CLCN1: variants seen among roughly 807,000 people sequenced by gnomAD.
The protein encoded by CLCN1 is chloride channel protein 1.
CLCN1 carries 100 observed loss-of-function variants against 114.5 expected under a neutral mutation model. The observed-to-expected ratio is 0.87, with a 90% CI of 0.74 to 1.03. CLCN1 has a LOEUF of 1.03. CLCN1 is among the 50% of genes least tolerant of loss of function. The pLI is 0.00. For missense variants in CLCN1, 1,188 were observed against 1,250.0 expected (o/e 0.95, Z 0.75); for synonymous variants, 485 against 487.1 (o/e 1.00, Z 0.06).
intron 7 of CLCN1, among the ~76,000 whole-genome samples, chr7:143,329,884 AT>A (rs1046809578): frequency 4.6e-5 from 7 of 151,974 alleles, no homozygotes; most frequent in Admixed American, 1.3e-4. Flanking sequence ...ATGTTGAAAT[AT>A]TTTTTTCTTT....
At chr7:143,343,683 G>A (rs1281920243) in intron 16 of CLCN1, among the ~76,000 whole-genome samples, 1 of 151,222 alleles carries the variant, frequency 6.6e-6, no homozygotes, top group Non-Finnish European at 1.5e-5. Flanking sequence ...TGGAAGAGTT[G>A]GAACTGTTTT....
chr7:143,321,609 A>C lies in CLCN1; in HGVS notation c.563-106A>C. ...TGTGCTGCCTTGCCCCATCCTCCCC[A>C]CCACTGCCTCTTCAGCCCTCTCCAA... is the stretch of plus-strand genomic sequence containing the variant. On this transcript the variant is annotated intron_variant, in intron 4 of 22. Transcript: ENST00000343257. The surrounding 1 kb of genome is among the most constrained non-coding windows in gnomAD (Gnocchi z 4.2). 1 of 1,601,886 alleles carries C rather than the reference A, an allele frequency of 6.2e-7. No individual in the cohort carries two copies. The highest frequency in any genetic ancestry group is 2.2e-5 in the East Asian group (1 of 44,764).
At chr7:143,319,903 C>A (rs1223407275) in intron 2 of CLCN1, 28 bp downstream of exon 2, 1 of 1,612,402 alleles carries the variant, frequency 6.2e-7, no homozygotes, top group South Asian at 1.1e-5. Context: ...ATAAAGAAAT[C>A]TGGAGTAGAA....
chr7:143,320,774 G>A lies in CLCN1; in HGVS notation c.412G>A (p.Val138Ile), dbSNP rs762344462. Reference sequence around the variant, plus strand: ...TCTGGTCAGCTGGAGCATGGACTACGTCAGTGCCAAAAGCCTTCAGGGTAG... The same window carrying A: ...TCTGGTCAGCTGGAGCATGGACTACATCAGTGCCAAAAGCCTTCAGGGTAG... ...MALVSWSMDY[V>I]SAKSLQAYKW... The change falls in exon 3 of 23, where the codon GTC becomes ATC. Residue 138 changes from valine (V) to isoleucine (I), a missense_variant. Coordinates refer to ENST00000343257, the MANE Select transcript of CLCN1 (RefSeq NM_000083.3). The A allele has an allele frequency of 1.6e-4, 259 of 1,613,936 alleles. 2 individuals carry two copies. The South Asian group carries it at 2.3e-3, about 15-fold the overall frequency.
intron 7 of CLCN1, 22 bp from the exon 8 acceptor site, chr7:143,330,750 C>A: frequency 6.2e-7 from 1 of 1,613,866 alleles, no homozygotes; most frequent in African/African-American, 1.3e-5. Context: ...CTGCCCCCAA[C>A]CACACTTCTG....
chr7:143,323,449 A>G lies in CLCN1; in HGVS notation c.774+63A>G, dbSNP rs1003326477. On this transcript the variant is annotated intron_variant, in intron 6 of 22. Coordinates refer to ENST00000343257, the MANE Select transcript of CLCN1 (RefSeq NM_000083.3). Reference sequence around the variant, plus strand: ...GTAGAAGGAGTCCGGCTGTGTGTCCAGGGTGTTGGGAGGGCTGCCTCTGCT... The same window carrying G: ...GTAGAAGGAGTCCGGCTGTGTGTCCGGGGTGTTGGGAGGGCTGCCTCTGCT... The G allele has an allele frequency of 1.4e-5, 17 of 1,200,124 alleles. No individual in the cohort carries two copies. In the South Asian group the frequency reaches 2.1e-4, roughly 14 times the overall value. 74.3% of individuals were successfully genotyped at this position (1,200,124 alleles called of 1,614,324 possible).
intron 14 of CLCN1, among the ~76,000 whole-genome samples, chr7:143,340,890 C>T (rs1388210986): frequency 1.3e-5 from 2 of 152,134 alleles, no homozygotes; most frequent in Non-Finnish European, 1.5e-5. Context: ...CCATAGGATA[C>T]CTCTTCCATA....
At position 143,331,248 on chromosome 7, in the gene CLCN1, G is replaced by C. The variant is rs748233796; in HGVS notation, c.996G>C (p.Leu332=). 6.2e-7 allele frequency: 1 copy of C among 1,612,796 alleles called. No homozygotes were observed. The highest frequency in any genetic ancestry group is 8.5e-7 in the Non-Finnish European group (1 of 1,178,788). The change falls in exon 9 of 23, where the codon CTG becomes CTC. Residue 332 remains leucine, a synonymous_variant. Coordinates refer to ENST00000343257, the MANE Select transcript of CLCN1 (RefSeq NM_000083.3). ...WNKDAVTITA[L]FRTNFRMDFP... ...ATCCTACAGTCACCATCACTGCTCT[G>C]TTCAGAACCAATTTCCGAATGGATT...
At chr7:143,329,604 C>T (rs754078356) in intron 7 of CLCN1, among the ~76,000 whole-genome samples, 1 of 152,088 alleles carries the variant, frequency 6.6e-6, no homozygotes, top group Non-Finnish European at 1.5e-5. Context: ...TTGAATATAG[C>T]ACAGGGAGAA....
Position 143,320,782 on chromosome 7 carries a change from C to A in CLCN1, c.420C>A (p.Ala140=). The stretch of plus-strand genomic sequence containing the variant: ...GCTGGAGCATGGACTACGTCAGTGC[C>A]AAAAGCCTTCAGGGTAGGTTTAACC... The part of the protein sequence containing the change: ...LVSWSMDYVS[A]KSLQAYKWSY... The change falls in exon 3 of 23, where the codon GCC becomes GCA. Residue 140 remains alanine (A), a synonymous_variant. Transcript: ENST00000343257. The A allele has an allele frequency of 3.1e-6, 5 of 1,613,958 alleles. No individual in the cohort carries two copies. Among genetic ancestry groups the A allele is most frequent in the Non-Finnish European group, 4.2e-6 (5 of 1,179,914 alleles).
intron 7 of CLCN1, among the ~76,000 whole-genome samples, chr7:143,327,472 C>A (rs1311291261): frequency 6.6e-6 from 1 of 152,014 alleles, no homozygotes; most frequent in Non-Finnish European, 1.5e-5. Flanking sequence ...GAGTGTCCAC[C>A]CAATCCCTTT....
intron 16 of CLCN1, among the ~76,000 whole-genome samples, chr7:143,344,751 GTTT>G: frequency 7.6e-6 from 1 of 131,310 alleles, no homozygotes; most frequent in East Asian, 2.2e-4. Flanking sequence ...TCCTAGCAGG[GTTT>G]TTTTTTTTTT....
At chr7:143,318,206 TTTTTTTG>T (rs199876699) in intron 1 of CLCN1, among the ~76,000 whole-genome samples, 1,597 of 152,136 alleles carry the variant, frequency 0.01, 26 homozygotes, top group African/African-American at 0.036. Context: ...TGGAATACTT[TTTTTTTG>T]TTTTTTGTTT....
In CLCN1 at chr7:143,331,308, T is replaced by C; in HGVS notation, c.1056T>C (p.Ala352=). ...ACCTGAAGGAACTACCAGCTTTTGC[T>C]GCCATCGGGTCAGTGGGGTTACCTG... ...PFDLKELPAF[A]AIGICCGLLG... Residue 352 remains alanine, a synonymous_variant, in exon 9 of 23, where the codon GCT becomes GCC. Coordinates refer to ENST00000343257, the MANE Select transcript of CLCN1 (RefSeq NM_000083.3). 4 of 1,610,750 alleles carry C rather than the reference T, an allele frequency of 2.5e-6. No homozygotes were observed. The highest frequency in any genetic ancestry group is 2.5e-6 in the Non-Finnish European group (3 of 1,176,868).
In CLCN1 at chr7:143,321,571, C is replaced by T; in HGVS notation, c.562+78C>T. 1 of 1,609,896 alleles carries T rather than the reference C, an allele frequency of 6.2e-7. No individual in the cohort carries two copies. The highest frequency in any genetic ancestry group is 1.1e-5 in the South Asian group (1 of 90,982). ...TGTCTGTCTCCCCCATCATCCAGCC[C>T]CACCCACAGCCCTGTGCTGCCTTGC... is the stretch of plus-strand genomic sequence containing the variant. On this transcript the variant is annotated intron_variant, in intron 4 of 22. Coordinates refer to ENST00000343257, the MANE Select transcript of CLCN1 (RefSeq NM_000083.3). The surrounding 1 kb of genome is among the most constrained non-coding windows in gnomAD (Gnocchi z 4.2).
chr7:143,333,936 A>C (rs1802800130), intron 12 of CLCN1, among the ~76,000 whole-genome samples: 1 of 152,222 alleles, frequency 6.6e-6, no homozygotes, highest in South Asian at 2.1e-4. Context: ...ATTGCTGGCC[A>C]GGTGCAGTGG....
At chr7:143,338,756 C>T (rs1203947489) in intron 12 of CLCN1, among the ~76,000 whole-genome samples, 2 of 146,786 alleles carry the variant, frequency 1.4e-5, no homozygotes, top group South Asian at 2.1e-4. Context: ...TACTGCACTC[C>T]AGCTTGGGTG....
In CLCN1 at chr7:143,350,097, C is replaced by T. The variant is rs778113456; in HGVS notation, c.2404-275C>T. 9.9e-5 allele frequency among the ~76,000 whole-genome samples: 15 copies of T among 152,038 alleles called. No homozygotes were observed. The highest frequency in any genetic ancestry group is 3.4e-3 in the Middle Eastern group (1 of 292). On this transcript the variant is annotated intron_variant, in intron 20 of 22. Transcript: ENST00000343257. This position sits in a 1 kb window ranked among gnomAD's most constrained non-coding sequence, Gnocchi z 5.1. Reference sequence around the variant, plus strand: ...GGTTGGGAATAACAAATGTTTGGGACGCCAGGGGATAGGAGAGTTGGAGCC... The same window carrying T: ...GGTTGGGAATAACAAATGTTTGGGATGCCAGGGGATAGGAGAGTTGGAGCC...
rs985761766 is a variant in CLCN1 at position 143,340,974 on chromosome 7, T to C, written c.1583-955T>C. On this transcript the variant is annotated intron_variant, in intron 14 of 22. Coordinates refer to ENST00000343257, the MANE Select transcript of CLCN1 (RefSeq NM_000083.3). ...GAGAAACAACCAAAAATTAACAAGA[T>C]AGATTCTATCTTCAGGGAGCTTATA... is the stretch of plus-strand genomic sequence containing the variant. Among the ~76,000 whole-genome samples the C allele has an allele frequency of 2.0e-5, 3 of 152,236 alleles. 1 individual carries two copies. The highest frequency in any genetic ancestry group is 7.2e-5 in the African/African-American group (3 of 41,470).
Sources: gnomAD v4.1 joint callset for allele counts (sites outside exome capture counted in the v4.1 genomes callset) on GRCh38, gnomAD v4.1.1 for gene constraint, Gnocchi (gnomAD v3.1) non-coding constraint, MANE v1.5 for transcripts, NCBI Gene and HGNC (gene_info 2026-07-23, HGNC 2026-07-21) for gene names.